STUM: variants seen among roughly 807,000 people sequenced by gnomAD.
STUM encodes stum, mechanosensory transduction mediator homolog, also known as protein stum homolog.
Under a neutral mutation model 15.3 loss-of-function variants are expected in STUM, and 8 were observed. The ratio of observed to expected loss-of-function variants is 0.52; its 90% confidence interval spans 0.31 to 0.94. STUM has a LOEUF of 0.94. STUM is among the 40% of genes least tolerant of loss of function. STUM has a pLI of 0.05. For missense variants in STUM, 142 were observed against 204.9 expected, an observed-to-expected ratio of 0.69 and a Z score of 1.87; for synonymous variants, 78 against 88.7, an observed-to-expected ratio of 0.88 and a Z score of 0.68.
At chr1:226,571,023 G>A (rs968375499) in intron 1 of STUM, among the ~76,000 whole-genome samples, 6 of 152,138 alleles carry the variant, frequency 3.9e-5, no homozygotes, top group Non-Finnish European at 7.3e-5. Flanking sequence ...TTGAGGAAAG[G>A]AGTTTGAGAC....
At chr1:226,551,332 C>T (rs974435543) in intron 1 of STUM, among the ~76,000 whole-genome samples, 1 of 152,224 alleles carries the variant, frequency 6.6e-6, no homozygotes, top group Non-Finnish European at 1.5e-5. Context: ...GGTCCCATCT[C>T]TGGGTGGGGG....
At chr1:226,577,169 G>A (rs1237114158) in intron 1 of STUM, among the ~76,000 whole-genome samples, 1 of 152,182 alleles carries the variant, frequency 6.6e-6, no homozygotes, top group Non-Finnish European at 1.5e-5. Flanking sequence ...CAAGCAGTCT[G>A]GCTTCAGCAT....
At position 226,595,957 on chromosome 1, in the gene STUM, C is replaced by T. The variant is rs145685390; in HGVS notation, c.203-845C>T. On this transcript the variant is annotated intron_variant, in intron 1 of 3. Transcript: ENST00000366788. Reference sequence around the variant, plus strand: ...TGAGGTTTGGGTAACTTGTTACTGACGCTGTAGGGAACTATGACAGATATA... The same window carrying T: ...TGAGGTTTGGGTAACTTGTTACTGATGCTGTAGGGAACTATGACAGATATA... Among the ~76,000 whole-genome samples the T allele has an allele frequency of 7.6e-3, 1,151 of 152,246 alleles. 24 individuals are homozygous for T. In the South Asian group the frequency reaches 0.096, roughly 13 times the overall value.
chr1:226,580,344 A>C (rs1667898606), intron 1 of STUM, among the ~76,000 whole-genome samples: 1 of 152,104 alleles, frequency 6.6e-6, no homozygotes, highest in Admixed American at 6.5e-5. Flanking sequence ...AGCCATTGTC[A>C]GTGGTCTGGA....
chr1:226,560,356 G>C (rs960053602), intron 1 of STUM, among the ~76,000 whole-genome samples: 2 of 152,172 alleles, frequency 1.3e-5, no homozygotes, highest in African/African-American at 4.8e-5. Context: ...TGCCGTTGCT[G>C]TCTCCAAGTT....
rs1668398313 is a variant in STUM, at chr1:226,608,540, T to C, written c.*6500T>C. The C allele has an allele frequency of 6.6e-6, 1 of 152,236 alleles. No individual in the cohort carries two copies. Among genetic ancestry groups the C allele is most frequent in the Non-Finnish European group, 1.5e-5 (1 of 68,054 alleles). 9.4% of individuals were successfully genotyped at this position (152,236 alleles called of 1,614,324 possible). A position where few individuals can be genotyped will look rare whatever the true frequency, so the allele number is the denominator to read the frequency against. On this transcript the variant is annotated 3_prime_UTR_variant, in exon 4 of 4. Transcript: ENST00000366788. This position sits in a 1 kb window ranked among gnomAD's most constrained non-coding sequence, Gnocchi z 4.0. Reference sequence around the variant, plus strand: ...TGTTGTGTTGTGATTTGCAGTGTTTTGACACCGTGATTGGCTTTGTTTGGG... The same window carrying C: ...TGTTGTGTTGTGATTTGCAGTGTTTCGACACCGTGATTGGCTTTGTTTGGG...
chr1:226,589,159 C>T (rs564410203), intron 1 of STUM, among the ~76,000 whole-genome samples: 19 of 152,332 alleles, frequency 1.2e-4, no homozygotes, highest in Middle Eastern at 3.4e-3. Context: ...TTAAGATCCC[C>T]TCTCCAGACC....
At chr1:226,597,091 G>A in intron 2 of STUM, 110 bp downstream of exon 2, 4 of 1,080,980 alleles carry the variant, frequency 3.7e-6, no homozygotes, top group Non-Finnish European at 4.2e-6. Flanking sequence ...GCTAAGCACG[G>A]GCTCTGGAGA....
At chr1:226,598,313 A>C (rs1668215112) in intron 2 of STUM, among the ~76,000 whole-genome samples, 1 of 152,092 alleles carries the variant, frequency 6.6e-6, no homozygotes, top group African/African-American at 2.4e-5. Context: ...CTGCCCTCAG[A>C]AGGTTGAAGG....
rs1416290046 is a variant in STUM at position 226,567,306 on chromosome 1, A to G, written c.202+18200A>G. ...GCCCCGCGGGCTCTTTTCTCAAACC[A>G]GATTCGTTCAAAAAGCCCATTTACC... is the stretch of plus-strand genomic sequence containing the variant. On this transcript the variant is annotated intron_variant, in intron 1 of 3. Coordinates refer to ENST00000366788, the MANE Select transcript of STUM (RefSeq NM_001003665.4). This position sits in a 1 kb window ranked among gnomAD's most constrained non-coding sequence, Gnocchi z 4.5. Among the ~76,000 whole-genome samples, 1 of 152,252 alleles carries G rather than the reference A, an allele frequency of 6.6e-6. No individual in the cohort carries two copies. Among genetic ancestry groups the G allele is most frequent in the Non-Finnish European group, 1.5e-5 (1 of 68,044 alleles).
rs75235643 is a variant in STUM, at chr1:226,584,766, A to G, written c.203-12036A>G. Among the ~76,000 whole-genome samples the G allele has an allele frequency of 1.6e-3, 241 of 152,334 alleles. 1 individual carries two copies. The highest frequency in any genetic ancestry group is 5.6e-3 in the African/African-American group (234 of 41,592). On this transcript the variant is annotated intron_variant, in intron 1 of 3. Coordinates refer to ENST00000366788, the MANE Select transcript of STUM (RefSeq NM_001003665.4). ...TTTTTTGTGTTAGACATCTGTGTGCATCTGTCCCCTAGTTTACTCAACCAC... is the reference window on the plus strand; with the variant it reads ...TTTTTTGTGTTAGACATCTGTGTGCGTCTGTCCCCTAGTTTACTCAACCAC...
intron 2 of STUM, among the ~76,000 whole-genome samples, chr1:226,597,718 T>A (rs1668205698): frequency 6.6e-6 from 1 of 152,174 alleles, no homozygotes; most frequent in African/African-American, 2.4e-5. Context: ...CAGTGACCAG[T>A]TAGGCCACCA....
rs1321060605 is a variant in STUM at position 226,548,809 on chromosome 1, G to GCGGAGCC, written c.-86_-80dup. The GCGGAGCC allele has an allele frequency of 4.7e-6, 5 of 1,055,154 alleles. No individual in the cohort carries two copies. The African/African-American group carries it at 5.0e-5, about 11-fold the overall frequency. The allele number at this position is 1,055,154 out of a possible 1,614,324, so 65.4% of individuals were successfully genotyped here. A position where few individuals can be genotyped will look rare whatever the true frequency, so the allele number is the denominator to read the frequency against. ...AGCACGGCGGCCGCCTGAGCTCGGC[G>GCGGAGCC]CGGAGCCCGGAGCCCGCAGCCGACA... On this transcript the variant is annotated 5_prime_UTR_variant, in exon 1 of 4. Coordinates refer to ENST00000366788, the MANE Select transcript of STUM (RefSeq NM_001003665.4).
At chr1:226,586,281 T>C (rs1318765024) in intron 1 of STUM, among the ~76,000 whole-genome samples, 1 of 152,150 alleles carries the variant, frequency 6.6e-6, no homozygotes, top group African/African-American at 2.4e-5. Flanking sequence ...CACGCCTGGC[T>C]ATGAACTCCC....
intron 1 of STUM, among the ~76,000 whole-genome samples, chr1:226,550,163 C>A (rs900037683): frequency 1.3e-5 from 2 of 152,176 alleles, no homozygotes; most frequent in Non-Finnish European, 2.9e-5. Context: ...AGAGCAGAGG[C>A]CAGCTGGAAG....
In STUM at chr1:226,565,047, G is replaced by A. The variant is rs991372827; in HGVS notation, c.202+15941G>A. ...CTGCATCACCAGTCCCCTTGCCCTCGAGCTTCCAGGTGTCTTAGCCAATGG... is the reference window on the plus strand; with the variant it reads ...CTGCATCACCAGTCCCCTTGCCCTCAAGCTTCCAGGTGTCTTAGCCAATGG... On this transcript the variant is annotated intron_variant, in intron 1 of 3. Transcript: ENST00000366788. The surrounding 1 kb of genome is among the most constrained non-coding windows in gnomAD (Gnocchi z 4.4). Among the ~76,000 whole-genome samples the A allele has an allele frequency of 6.6e-6, 1 of 152,138 alleles. No individual in the cohort carries two copies. Among genetic ancestry groups the A allele is most frequent in the Non-Finnish European group, 1.5e-5 (1 of 68,024 alleles).
intron 1 of STUM, among the ~76,000 whole-genome samples, chr1:226,569,144 C>A (rs928000545): frequency 1.3e-5 from 2 of 152,090 alleles, no homozygotes; most frequent in Non-Finnish European, 2.9e-5. Context: ...GGTGACTTAA[C>A]CTCTCTGTGC....
Position 226,549,827 on chromosome 1 carries a change from G to T in STUM, c.202+721G>T, listed in dbSNP as rs1667342477. Among the ~76,000 whole-genome samples, 2 of 152,206 alleles carry T rather than the reference G, an allele frequency of 1.3e-5. No individual in the cohort carries two copies. Among genetic ancestry groups the T allele is most frequent in the African/African-American group, 4.8e-5 (2 of 41,468 alleles). On this transcript the variant is annotated intron_variant, in intron 1 of 3. Transcript: ENST00000366788. The surrounding 1 kb of genome is among the most constrained non-coding windows in gnomAD (Gnocchi z 6.8). ...GTAGAGAGTGCGCCGATGTAATTCTGTGCAGGACTCCGGCAGCCGGCAGGG... is the reference window on the plus strand; with the variant it reads ...GTAGAGAGTGCGCCGATGTAATTCTTTGCAGGACTCCGGCAGCCGGCAGGG...
At chr1:226,557,800 A>G (rs1667470783) in intron 1 of STUM, among the ~76,000 whole-genome samples, 1 of 152,238 alleles carries the variant, frequency 6.6e-6, no homozygotes, top group African/African-American at 2.4e-5. Flanking sequence ...CATGATTAAG[A>G]TTTATCCCTA....
Sources: allele counts gnomAD v4.1 joint callset (sites outside exome capture counted in the v4.1 genomes callset), GRCh38; gene constraint gnomAD v4.1.1; non-coding constraint Gnocchi (gnomAD v3.1); transcripts MANE v1.5; gene names NCBI Gene and HGNC (gene_info 2026-07-23, HGNC 2026-07-21).